PZP: variants seen among roughly 807,000 people sequenced by gnomAD.
PZP encodes the protein pregnancy zone protein.
In PZP, 150 loss-of-function variants were observed where a neutral mutation model predicts 179.8. That is an observed-to-expected ratio of 0.83 (90% CI 0.73 to 0.96). The LOEUF is 0.96. Ranked by LOEUF, PZP falls within the 40% of genes least tolerant of loss-of-function variation. The pLI, the probability that PZP is intolerant of heterozygous loss-of-function variation, is 0.00. For synonymous variants in PZP, 624 were observed against 652.3 expected (o/e 0.96, Z 0.66); for missense variants, 1,689 against 1,764.0 (o/e 0.96, Z 0.76).
At position 9,165,263 on chromosome 12, in the gene PZP, G is replaced by C. The variant is rs1023468533; in HGVS notation, c.2363C>G (p.Ser788Cys). 3 of 1,614,044 alleles carry C rather than the reference G, an allele frequency of 1.9e-6. No homozygotes were observed. In the African/African-American group the frequency reaches 4.0e-5, roughly 22 times the overall value. ...LSEDAGLGIS[S>C]TASLRAFQPF... ...CTGGAAGGCTCGGAGAGAGGCAGTG[G>C]AAGAGATACCAAGTCCAGCATCTTC... The change falls in exon 19 of 36, where the codon TCC (serine) becomes TGC (cysteine). Residue 788 changes from serine (S) to cysteine (C), a missense_variant. Coordinates refer to ENST00000261336, the MANE Select transcript of PZP (RefSeq NM_002864.3).
At chr12:9,203,990 G>A in intron 1 of PZP, 39 bp from the exon 2 acceptor site, 2 of 1,526,312 alleles carry the variant, frequency 1.3e-6, no homozygotes, top group Non-Finnish European at 1.8e-6. Context: ...AAAAACTGAT[G>A]ATAGTAAGCG....
In PZP at chr12:9,196,650, G is replaced by C. The variant is rs1255298752; in HGVS notation, c.903C>G (p.His301Gln). ...TATTTGTAATCTGGAGCATTTTGGTGTGTACTTGTTGGGTGATGCAGCCAT... is the reference window on the plus strand; with the variant it reads ...TATTTGTAATCTGGAGCATTTTGGTCTGTACTTGTTGGGTGATGCAGCCAT... ...NSNGCITQQV[H>Q]TKMLQITNTG... is the part of the protein sequence containing the mutation. Residue 301 changes from histidine to glutamine, a missense_variant, in exon 9 of 36, where the codon CAC becomes CAG. Transcript: ENST00000261336. The C allele has an allele frequency of 2.5e-6, 4 of 1,613,516 alleles. No homozygotes were observed. Among genetic ancestry groups the C allele is most frequent in the East Asian group, 2.2e-5 (1 of 44,880 alleles).
chr12:9,178,116 G>A (rs1942511711), intron 15 of PZP, among the ~76,000 whole-genome samples: 1 of 152,112 alleles, frequency 6.6e-6, no homozygotes, highest in Non-Finnish European at 1.5e-5. Flanking sequence ...TTTGATTATA[G>A]CAATCCCCCA....
At chr12:9,151,749 A>G (rs924265391) in intron 32 of PZP, 77 bp from the exon 33 acceptor site, 1 of 1,155,730 alleles carries the variant, frequency 8.7e-7, no homozygotes, top group African/African-American at 1.5e-5. Context: ...GCAGATTGTA[A>G]TAAGGGACAA....
chr12:9,187,067 C>A (rs1592528771), intron 13 of PZP, among the ~76,000 whole-genome samples: 7 of 85,182 alleles, frequency 8.2e-5, no homozygotes, highest in South Asian at 5.2e-4. Flanking sequence ...GACTTTAAAC[C>A]AAGAAAGGTC....
At chr12:9,194,771 G>A (rs1345052351) in intron 10 of PZP, among the ~76,000 whole-genome samples, 1 of 152,064 alleles carries the variant, frequency 6.6e-6, no homozygotes, top group Non-Finnish European at 1.5e-5. Context: ...GCCAAAGTCA[G>A]GGAGATTTTT....
intron 15 of PZP, among the ~76,000 whole-genome samples, chr12:9,173,159 A>G (rs1942115393): frequency 6.6e-6 from 1 of 152,270 alleles, no homozygotes; most frequent in Admixed American, 6.5e-5. Context: ...AGAACTCAAG[A>G]TTAAGAAATT....
rs748269287 is a variant in PZP, at chr12:9,170,858, G to A, written c.1840-1267C>T. Among the ~76,000 whole-genome samples, 15 of 152,222 alleles carry A rather than the reference G, an allele frequency of 9.9e-5. No homozygotes were observed. Among genetic ancestry groups the A allele is most frequent in the African/African-American group, 3.1e-4 (13 of 41,534 alleles). ...AGAGCTTTGATCTCTCCCTGGGACC[G>A]AGCTCCTGGGGGGCAGGGGTGTCTG... On this transcript the variant is annotated intron_variant, in intron 15 of 35. Transcript: ENST00000261336. This position sits in a 1 kb window ranked among gnomAD's most constrained non-coding sequence, Gnocchi z 4.6.
intron 1 of PZP, among the ~76,000 whole-genome samples, chr12:9,207,618 AAGG>A (rs1478088442): frequency 6.6e-6 from 1 of 152,226 alleles, no homozygotes; most frequent in Non-Finnish European, 1.5e-5. Flanking sequence ...GCCAGCAAGT[AAGG>A]AGAAGTCAGA....
chr12:9,168,996 A>T, intron 16 of PZP, 22 bp from the exon 17 acceptor site: 1 of 1,527,698 alleles, frequency 6.5e-7, no homozygotes, highest in Middle Eastern at 1.7e-4. Flanking sequence ...TAATTGTTCA[A>T]TCTACTTGTA....
chr12:9,199,644 G>T (rs779560001), intron 7 of PZP, among the ~76,000 whole-genome samples: 3 of 152,072 alleles, frequency 2.0e-5, no homozygotes, highest in African/African-American at 7.2e-5. Context: ...GATCTTCAGC[G>T]AAATGTCATT....
In PZP at chr12:9,164,216, T is replaced by G. The variant is rs1028274441; in HGVS notation, c.2531A>C (p.Gln844Pro). The change falls in exon 20 of 36, where the codon CAA (glutamine) becomes CCA (proline). Residue 844 changes from glutamine to proline, a missense_variant. By Grantham distance (76) the Gln-to-Pro change is moderately conservative. Coordinates refer to ENST00000261336, the MANE Select transcript of PZP (RefSeq NM_002864.3). ...ATAGGATTCTTCTCCCTTTGTATTTTGGGAAGCTAGGAAGGCTGGAGAGGC... is the reference window on the plus strand; with the variant it reads ...ATAGGATTCTTCTCCCTTTGTATTTGGGGAAGCTAGGAAGGCTGGAGAGGC... ...LKASPAFLAS[Q>P]NTKGEESYCI... The G allele has an allele frequency of 2.5e-6, 4 of 1,611,928 alleles. No individual in the cohort carries two copies. The African/African-American group carries it at 5.3e-5, about 22-fold the overall frequency.
chr12:9,192,158 G>A, intron 13 of PZP, 35 bp downstream of exon 13: 7 of 1,571,098 alleles, frequency 4.5e-6, no homozygotes, highest in Non-Finnish European at 6.1e-6. Context: ...GGATGTGTTA[G>A]GGGAGCAAGG....
chr12:9,160,165 G>C (rs905996884), intron 24 of PZP, 140 bp from the exon 25 acceptor site: 3 of 1,107,664 alleles, frequency 2.7e-6, no homozygotes, highest in African/African-American at 3.1e-5. Context: ...GTTATGGATA[G>C]ATCAAACACA....
intron 13 of PZP, among the ~76,000 whole-genome samples, chr12:9,182,509 G>C (rs745616792): frequency 4.6e-5 from 7 of 152,166 alleles, no homozygotes; most frequent in African/African-American, 1.7e-4. Flanking sequence ...GATATAATAA[G>C]TTTATTTTGT....
At chr12:9,198,136 G>T (rs1187681997) in intron 7 of PZP, among the ~76,000 whole-genome samples, 3 of 150,988 alleles carry the variant, frequency 2.0e-5, no homozygotes, top group African/African-American at 7.3e-5. Flanking sequence ...ATTGCTTGAG[G>T]CCAAAAGTTC....
At chr12:9,150,063 CT>C (rs548894379) in intron 34 of PZP, among the ~76,000 whole-genome samples, 187 of 152,322 alleles carry the variant, frequency 1.2e-3, no homozygotes, top group Admixed American at 2.6e-3. Context: ...GCCTTCTGTG[CT>C]GTTTTTGCCT....
chr12:9,156,713 G>T (rs1266089471), intron 28 of PZP, among the ~76,000 whole-genome samples: 1 of 152,156 alleles, frequency 6.6e-6, no homozygotes, highest in East Asian at 1.9e-4. Context: ...TCCCAGAGAA[G>T]ACAGTTTTAT....
At chr12:9,157,715 A>T in intron 27 of PZP, 52 bp downstream of exon 27, 1 of 1,529,678 alleles carries the variant, frequency 6.5e-7, no homozygotes, top group Non-Finnish European at 9.1e-7. Flanking sequence ...GGCATTCCAG[A>T]CAGCAAATCT....
Sources: gnomAD v4.1 joint callset for allele counts (sites outside exome capture counted in the v4.1 genomes callset) on GRCh38, gnomAD v4.1.1 for gene constraint, Gnocchi (gnomAD v3.1) non-coding constraint, MANE v1.5 for transcripts, NCBI Gene and HGNC (gene_info 2026-07-23, HGNC 2026-07-21) for gene names.